Variants in PPIL2 observed in about 807,000 individuals in gnomAD.
PPIL2 encodes the protein RING-type E3 ubiquitin-protein ligase PPIL2.
In PPIL2, 50 loss-of-function variants were observed where a neutral mutation model predicts 75.2. The ratio of observed to expected loss-of-function variants is 0.66; its 90% CI spans 0.53 to 0.84. PPIL2 has a LOEUF of 0.84. Among genes scored for constraint, PPIL2 ranks in the 40% least tolerant of loss-of-function variants. The pLI is 0.00. For missense variants in PPIL2, 590 were observed against 685.0 expected, an observed-to-expected ratio of 0.86 and a Z score of 1.55; for synonymous variants, 245 against 258.8, an observed-to-expected ratio of 0.95 and a Z score of 0.51.
At position 21,667,448 on chromosome 22, in the gene PPIL2, G is replaced by A. The variant is rs573328532; in HGVS notation, c.32+1317G>A. ...TGGGATTACAGGCGTGAGCCACCGC[G>A]TCTGGGCAGCCTCAGTCCTCATTTT... is the stretch of plus-strand genomic sequence containing the variant. On this transcript the variant is annotated intron_variant, in intron 1 of 19. Transcript: ENST00000398831. Among the ~76,000 whole-genome samples the A allele has an allele frequency of 3.1e-3, 465 of 151,298 alleles. 3 individuals are homozygous for A. Among genetic ancestry groups the A allele is most frequent in the Middle Eastern group, 7.1e-3 (2 of 280 alleles).
At chr22:21,680,666 A>G (rs2067075914) in intron 6 of PPIL2, among the ~76,000 whole-genome samples, 1 of 151,586 alleles carries the variant, frequency 6.6e-6, no homozygotes, top group Non-Finnish European at 1.5e-5. Flanking sequence ...CATCTCTACT[A>G]AAAATACAGA....
At chr22:21,667,738 C>G (rs2066449465) in intron 1 of PPIL2, among the ~76,000 whole-genome samples, 1 of 150,218 alleles carries the variant, frequency 6.7e-6, no homozygotes, top group Admixed American at 6.6e-5. Context: ...CTTAATATCT[C>G]CACTGGAGGA....
In PPIL2 at chr22:21,686,907, A is replaced by G; in HGVS notation, c.806A>G (p.Asp269Gly). 6.2e-7 allele frequency: 1 copy of G among 1,614,008 alleles called. No homozygotes were observed. Among genetic ancestry groups the G allele is most frequent in the African/African-American group, 1.3e-5 (1 of 75,020 alleles). The change falls in exon 12 of 20, where the codon GAT becomes GGT. Residue 269 changes from aspartate to glycine, a missense_variant. Transcript: ENST00000398831. ...TGGCTTGTAGCTGCCATCGACGAGG[A>G]TGTGCTGCGCTACCAGTTTGTGAAG... ...TTHEAAAIDE[D>G]VLRYQFVKKK...
Position 21,686,539 on chromosome 22 carries a change from G to A in PPIL2, c.771G>A (p.Pro257=), listed in dbSNP as rs145101885. ...SASFTSTAMV[P]ETTHEAAAID... is the part of the protein sequence containing the mutation. ...CCTTCACCTCCACCGCGATGGTCCC[G>A]GAGACCACACATGAAGCAGGTAGCC... Residue 257 remains proline (P), a synonymous_variant, in exon 11 of 20, where the codon CCG becomes CCA. Transcript: ENST00000398831. The A allele has an allele frequency of 5.1e-5, 83 of 1,614,114 alleles. No homozygotes were observed. The highest frequency in any genetic ancestry group is 3.3e-4 in the Middle Eastern group (2 of 6,062).
intron 6 of PPIL2, 78 bp from the exon 7 acceptor site, chr22:21,681,221 C>T (rs1221441210): frequency 1.8e-5 from 22 of 1,215,086 alleles, no homozygotes; most frequent in Non-Finnish European, 2.1e-5. Context: ...CTGTCCTGCC[C>T]TGGCCCTCTG....
chr22:21,680,491 AC>A (rs1278969487), intron 6 of PPIL2, among the ~76,000 whole-genome samples: 1 of 151,930 alleles, frequency 6.6e-6, no homozygotes, highest in Non-Finnish European at 1.5e-5. Context: ...AGATCACGCT[AC>A]TGCACCTCAG....
intron 6 of PPIL2, among the ~76,000 whole-genome samples, chr22:21,676,307 T>TGTGTG (rs1555894882): frequency 3.8e-4 from 14 of 36,694 alleles, no homozygotes; most frequent in South Asian, 3.7e-3. Context: ...TATTTATTTA[T>TGTGTG]TTTGTGTGTG....
chr22:21,672,968 T>A (rs1229313722), intron 5 of PPIL2, among the ~76,000 whole-genome samples: 1 of 152,162 alleles, frequency 6.6e-6, no homozygotes, highest in African/African-American at 2.4e-5. Context: ...CTGTCTCAGC[T>A]CTTCTGGCCC....
chr22:21,692,082 CT>C (rs1459132252), intron 15 of PPIL2, among the ~76,000 whole-genome samples: 4 of 152,148 alleles, frequency 2.6e-5, no homozygotes, highest in Non-Finnish European at 5.9e-5. Flanking sequence ...TTCAGCCTCT[CT>C]GGCTCTGCCC....
chr22:21,670,384 CT>C, intron 2 of PPIL2, 181 bp from the exon 3 acceptor site: 1 of 1,492,246 alleles, frequency 6.7e-7, no homozygotes, highest in Non-Finnish European at 9.0e-7. Context: ...CCAGTAAGTT[CT>C]TTTTTGATGT....
At chr22:21,689,374 G>A (rs537349434) in intron 15 of PPIL2, among the ~76,000 whole-genome samples, 2 of 137,114 alleles carry the variant, frequency 1.5e-5, no homozygotes, top group Non-Finnish European at 3.4e-5. Flanking sequence ...ACAGTGGCCT[G>A]ATGTTATGTT....
chr22:21,698,802 G>A (rs887135010), downstream of PPIL2: 8 of 152,408 alleles, frequency 5.2e-5, no homozygotes, highest in Non-Finnish European at 8.8e-5. Context: ...TGACCCCTGC[G>A]CTCTGGGTGG....
At chr22:21,692,389 T>A (rs861824) in intron 15 of PPIL2, among the ~76,000 whole-genome samples, 10 of 150,870 alleles carry the variant, frequency 6.6e-5, no homozygotes, top group Admixed American at 6.0e-4. Flanking sequence ...CTCCTGACCT[T>A]GTGATCCGCC....
intron 4 of PPIL2, 77 bp downstream of exon 4, chr22:21,671,136 C>G (rs766131675): frequency 2.8e-6 from 4 of 1,415,630 alleles, no homozygotes; most frequent in Non-Finnish European, 3.0e-6. Context: ...CCTTGGTACC[C>G]TTGGGTAGGG....
rs988866891 is a variant in PPIL2 at position 21,675,104 on chromosome 22, A to G, written c.284A>G (p.Lys95Arg). The change falls in exon 6 of 20, where the codon AAG becomes AGG. Residue 95 changes from lysine (K) to arginine (R), a missense_variant. Lys to Arg is a conservative substitution (Grantham distance 26). Coordinates refer to ENST00000398831, the MANE Select transcript of PPIL2 (RefSeq NM_014337.4). ...TCCCTGATCAAGCTGAACTTTTCCA[A>G]GAACAGTGAGGGTGAGTGGAACTAT... ...GRSLIKLNFS[K>R]NSEGKYHCPV... 3 of 1,613,204 alleles carry G rather than the reference A, an allele frequency of 1.9e-6. No homozygotes were observed. In the African/African-American group the frequency reaches 4.0e-5, roughly 22 times the overall value.
intron 6 of PPIL2, among the ~76,000 whole-genome samples, chr22:21,681,010 G>T (rs142276513): frequency 1.6e-4 from 24 of 152,270 alleles, no homozygotes; most frequent in Non-Finnish European, 2.6e-4. Context: ...ACTTCAGTAG[G>T]AGGAGGAGGC....
intron 15 of PPIL2, among the ~76,000 whole-genome samples, chr22:21,691,164 C>CA (rs1480562497): frequency 6.6e-6 from 1 of 151,476 alleles, no homozygotes; most frequent in Admixed American, 6.6e-5. Context: ...GGCTGGTCTC[C>CA]AACTCCTGAC....
rs142523765 is a variant in PPIL2, at chr22:21,684,853, C to T, written c.654C>T (p.Asp218=). 4.3e-6 allele frequency: 7 copies of T among 1,613,946 alleles called. No individual in the cohort carries two copies. Among genetic ancestry groups the T allele is most frequent in the African/African-American group, 2.7e-5 (2 of 74,924 alleles). ...LQELYKEFKG[D]EILAATMKAP... ...AGCTCTACAAGGAGTTCAAAGGGGA[C>T]GAGATTCTGGCAGCCACCATGAAGG... The change falls in exon 10 of 20, where the codon GAC becomes GAT. Residue 218 remains aspartate, a synonymous_variant. Transcript: ENST00000398831.
intron 1 of PPIL2, among the ~76,000 whole-genome samples, chr22:21,666,859 C>A (rs1437633363): frequency 6.6e-6 from 1 of 152,120 alleles, no homozygotes; most frequent in East Asian, 1.9e-4. Context: ...TGCCCCACGT[C>A]CCACGTTCCC....
Sources: gnomAD v4.1 joint callset for allele counts (sites outside exome capture counted in the v4.1 genomes callset) on GRCh38, gnomAD v4.1.1 for gene constraint, MANE v1.5 for transcripts, NCBI Gene and HGNC (gene_info 2026-07-23, HGNC 2026-07-21) for gene names.